SPTBN4: variants seen among roughly 807,000 people sequenced by gnomAD.
The protein encoded by SPTBN4 is spectrin beta, non-erythrocytic 4, also known as spectrin beta chain, non-erythrocytic 4.
SPTBN4 carries 96 observed loss-of-function variants against 277.8 expected under a neutral mutation model. That is an observed-to-expected ratio of 0.35 (90% CI 0.29 to 0.41). The LOEUF (loss-of-function observed/expected upper bound fraction) is 0.41. SPTBN4 is among the 10% of genes least tolerant of loss of function. The pLI, the probability that SPTBN4 is intolerant of heterozygous loss-of-function variation, is 1.00. For synonymous variants in SPTBN4, 1,481 were observed against 1,580.3 expected (o/e 0.94, Z 1.49); for missense variants, 3,006 against 3,595.7 (o/e 0.84, Z 4.19).
Position 40,566,217 on chromosome 19 carries a change from C to T in SPTBN4, c.6194C>T (p.Thr2065Ile), listed in dbSNP as rs2081090638. The T allele has an allele frequency of 1.9e-6, 3 of 1,550,536 alleles. No individual in the cohort carries two copies. Among genetic ancestry groups the T allele is most frequent in the Middle Eastern group, 2.0e-4 (1 of 5,126 alleles). The change falls in exon 30 of 36, where the codon ACA becomes ATA. Residue 2065 changes from threonine to isoleucine, a missense_variant. By Grantham distance (89) the Thr-to-Ile change is moderately conservative (BLOSUM62 -1). Around this residue, in one of 5 missense-constraint regions of SPTBN4, gnomAD observed 425 missense variants for 594.7 expected, o/e 0.71. Coordinates refer to ENST00000598249, the MANE Select transcript of SPTBN4 (RefSeq NM_020971.3). ...QEAVVADAWL[T>I]AQEPLLQSRE... ...GCGGTGGTGGCTGATGCCTGGCTGA[C>T]AGCCCAGGAGCCGCTCCTGCAGAGC...
intron 24 of SPTBN4, among the ~76,000 whole-genome samples, chr19:40,555,810 G>T (rs930645675): frequency 1.3e-5 from 2 of 151,728 alleles, no homozygotes; most frequent in Non-Finnish European, 2.9e-5. Flanking sequence ...GGTCCCACTT[G>T]GGAGGCTGCA....
rs372273587 is a variant in SPTBN4 at position 40,567,206 on chromosome 19, G to A, written c.6337-457G>A. 3.4e-4 allele frequency: 153 copies of A among 449,584 alleles called. 2 individuals are homozygous for A. In the East Asian group the frequency reaches 8.2e-3, roughly 24 times the overall value. The allele number at this position is 449,584 out of a possible 1,614,324, so 27.8% of individuals were successfully genotyped here. ...CTACTCAGAGGGGTGACTGAGACTC[G>A]AGGATCACTTGAGCACTGGAGGTCA... On this transcript the variant is annotated intron_variant, in intron 30 of 35. Transcript: ENST00000598249.
chr19:40,512,580 T>C, intron 13 of SPTBN4, 26 bp from the exon 14 acceptor site: 1 of 1,508,700 alleles, frequency 6.6e-7, no homozygotes. Context: ...TGACCAATCC[T>C]GGATGCTCCC....
In SPTBN4 at chr19:40,548,588, G is replaced by C. The variant is rs542950803; in HGVS notation, c.4360-601G>C. Among the ~76,000 whole-genome samples, 102 of 152,114 alleles carry C rather than the reference G, an allele frequency of 6.7e-4. 1 individual carries two copies. The highest frequency in any genetic ancestry group is 2.3e-3 in the African/African-American group (94 of 41,506). ...AAATTAGCCGGGCATGATGGCAGGT[G>C]CCTGTAATCCCAGCTACTCAGGAGG... On this transcript the variant is annotated intron_variant, in intron 20 of 35. Transcript: ENST00000598249.
intron 14 of SPTBN4, among the ~76,000 whole-genome samples, 178 bp downstream of exon 14, chr19:40,513,732 GC>G (rs1196437857): frequency 6.6e-6 from 1 of 152,164 alleles, no homozygotes; most frequent in Non-Finnish European, 1.5e-5. Context: ...ACCTCAGCTT[GC>G]CCACCTGTAT....
chr19:40,477,888 G>A (rs866773021), intron 2 of SPTBN4, among the ~76,000 whole-genome samples: 13 of 152,128 alleles, frequency 8.5e-5, no homozygotes, highest in Non-Finnish European at 1.6e-4. Flanking sequence ...GTCCAGGCTG[G>A]AGTGCAATGC....
Position 40,572,399 on chromosome 19 carries a change from C to T in SPTBN4, c.7536+19C>T, listed in dbSNP as rs1905415645. The T allele has an allele frequency of 6.2e-7, 1 of 1,614,162 alleles. No homozygotes were observed. The highest frequency in any genetic ancestry group is 8.5e-7 in the Non-Finnish European group (1 of 1,179,992). On this transcript the variant is annotated intron_variant, in intron 35 of 35. Transcript: ENST00000598249. Reference sequence around the variant, plus strand: ...AGATGAGGTGAGATCTGGTCCTTTCCTCCCTCTGTGTGGACCTCAGTAATG... The same window carrying T: ...AGATGAGGTGAGATCTGGTCCTTTCTTCCCTCTGTGTGGACCTCAGTAATG...
chr19:40,484,838 A>G (rs980062802), intron 2 of SPTBN4, among the ~76,000 whole-genome samples: 6 of 152,010 alleles, frequency 3.9e-5, no homozygotes, highest in African/African-American at 1.4e-4. Context: ...AGGCTGAGGC[A>G]GAAGAATGGC....
At chr19:40,489,514 G>C (rs1211282058) in intron 3 of SPTBN4, among the ~76,000 whole-genome samples, 1 of 152,096 alleles carries the variant, frequency 6.6e-6, no homozygotes. Flanking sequence ...ATCCTCCCGA[G>C]TACCTAGGAT....
Position 40,472,590 on chromosome 19 carries a change from C to A in SPTBN4, c.-15-17C>A. 1 of 1,584,678 alleles carries A rather than the reference C, an allele frequency of 6.3e-7. No homozygotes were observed. Among genetic ancestry groups the A allele is most frequent in the South Asian group, 1.1e-5 (1 of 88,376 alleles). ...GAGACTTGATCCTAGACCTAACCTA[C>A]CTCTCCCTATGTCCAGGCCTCACCT... On this transcript the variant is annotated splice_polypyrimidine_tract_variant and intron_variant, in intron 1 of 35. Transcript: ENST00000598249.
Position 40,490,304 on chromosome 19 carries a change from C to G in SPTBN4, c.495+56C>G. On this transcript the variant is annotated intron_variant, in intron 4 of 35. Transcript: ENST00000598249. The surrounding 1 kb of genome is among the most constrained non-coding windows in gnomAD (Gnocchi z 4.3). ...GCAACATGGGACTTAGGAAAGCGTTCCCCACCATTTACCCATTCATTCTTT... is the reference window on the plus strand; with the variant it reads ...GCAACATGGGACTTAGGAAAGCGTTGCCCACCATTTACCCATTCATTCTTT... 6.4e-7 allele frequency: 1 copy of G among 1,558,586 alleles called. No individual in the cohort carries two copies. The highest frequency in any genetic ancestry group is 8.7e-7 in the Non-Finnish European group (1 of 1,147,832).
At chr19:40,558,205 A>C (rs1599808039) in intron 26 of SPTBN4, among the ~76,000 whole-genome samples, 1 of 151,872 alleles carries the variant, frequency 6.6e-6, no homozygotes, top group East Asian at 2.0e-4. Flanking sequence ...TAAAAATACA[A>C]AAATTAGCAG....
At chr19:40,483,351 A>G (rs2080033848) in intron 2 of SPTBN4, among the ~76,000 whole-genome samples, 1 of 152,158 alleles carries the variant, frequency 6.6e-6, no homozygotes, top group South Asian at 2.1e-4. Context: ...TAATTAAAAG[A>G]GTATAATTGG....
intron 24 of SPTBN4, 150 bp from the exon 25 acceptor site, chr19:40,555,932 AAG>A: frequency 1.5e-6 from 1 of 687,460 alleles, no homozygotes; most frequent in Non-Finnish European, 2.4e-6. Flanking sequence ...AAAAAGAAAA[AAG>A]AAAAGAAAAC....
chr19:40,527,571 C>A (rs896766752), intron 17 of SPTBN4, among the ~76,000 whole-genome samples: 4 of 152,128 alleles, frequency 2.6e-5, no homozygotes, highest in African/African-American at 9.7e-5. Context: ...AGGGACCTCA[C>A]GAAGAAGGTG....
intron 14 of SPTBN4, among the ~76,000 whole-genome samples, chr19:40,513,864 T>A (rs1318518316): frequency 1.3e-5 from 2 of 152,180 alleles, no homozygotes; most frequent in African/African-American, 2.4e-5. Flanking sequence ...TTGCTCTTGT[T>A]ACCCAGGCTT....
chr19:40,520,928 C>T (rs1568804642), intron 16 of SPTBN4, among the ~76,000 whole-genome samples: 1 of 146,598 alleles, frequency 6.8e-6, no homozygotes, highest in East Asian at 2.0e-4. Flanking sequence ...GGTCCCCAAT[C>T]TTTTTTTTTT....
Position 40,541,331 on chromosome 19 carries a change from G to A in SPTBN4, c.4359+6988G>A, listed in dbSNP as rs764209652. Among the ~76,000 whole-genome samples, 104 of 152,296 alleles carry A rather than the reference G, an allele frequency of 6.8e-4. 1 individual carries two copies. Among genetic ancestry groups the A allele is most frequent in the Non-Finnish European group, 4.7e-4 (32 of 68,022 alleles). ...GTGGCCCTGGGGTCACACAGTGATGGGTGCCAGAGGCAGGCTCCAGCACGA... is the reference window on the plus strand; with the variant it reads ...GTGGCCCTGGGGTCACACAGTGATGAGTGCCAGAGGCAGGCTCCAGCACGA... On this transcript the variant is annotated intron_variant, in intron 20 of 35. Transcript: ENST00000598249.
At chr19:40,484,772 A>AT (rs1050843079) in intron 2 of SPTBN4, among the ~76,000 whole-genome samples, 3 of 150,078 alleles carry the variant, frequency 2.0e-5, no homozygotes, top group African/African-American at 7.3e-5. Context: ...CTAAAAAAAA[A>AT]TTAAAAAAAA....
Sources: allele counts gnomAD v4.1 joint callset (sites outside exome capture counted in the v4.1 genomes callset), GRCh38; gene constraint gnomAD v4.1.1; regional missense constraint gnomAD v4.1.1; non-coding constraint Gnocchi (gnomAD v3.1); transcripts MANE v1.5; gene names NCBI Gene and HGNC (gene_info 2026-07-23, HGNC 2026-07-21).